MINDY2: variants seen among roughly 807,000 people sequenced by gnomAD.
MINDY2 encodes the protein MINDY lysine 48 deubiquitinase 2, also known as ubiquitin carboxyl-terminal hydrolase MINDY-2.
Under a neutral mutation model 68.2 loss-of-function variants are expected in MINDY2, and 52 were observed. That is an observed-to-expected ratio of 0.76 (90% confidence interval 0.61 to 0.96). The LOEUF is 0.96. Among genes scored for constraint, MINDY2 ranks in the 40% least tolerant of loss-of-function variants. The pLI is 0.00. For synonymous variants in MINDY2, 372 were observed against 303.0 expected, an observed-to-expected ratio of 1.23 and a Z score of -2.36; for missense variants, 881 against 773.4, an observed-to-expected ratio of 1.14 and a Z score of -1.65.
chr15:58,850,893 T>A (rs573852301), intron 7 of MINDY2, among the ~76,000 whole-genome samples: 8 of 152,052 alleles, frequency 5.3e-5, no homozygotes, highest in African/African-American at 1.9e-4. Context: ...GGCTCCCCGC[T>A]ACTTTTTGTT....
At chr15:58,774,802 C>A (rs140252358) in intron 1 of MINDY2, among the ~76,000 whole-genome samples, 1 of 152,290 alleles carries the variant, frequency 6.6e-6, no homozygotes, top group East Asian at 1.9e-4. Context: ...AACCTTCAAC[C>A]TTGGTTGAAG....
intron 1 of MINDY2, among the ~76,000 whole-genome samples, chr15:58,778,137 T>C (rs748723480): frequency 2.6e-5 from 4 of 152,252 alleles, no homozygotes; most frequent in Middle Eastern, 3.4e-3. Context: ...TTTTTTATTT[T>C]AGAAAGAATG....
At chr15:58,789,801 C>A (rs112824175) in intron 2 of MINDY2, among the ~76,000 whole-genome samples, 3,492 of 152,254 alleles carry the variant, frequency 0.023, 45 homozygotes, top group Middle Eastern at 0.044. Context: ...GCATGCACCA[C>A]CACACGTGGC....
intron 2 of MINDY2, among the ~76,000 whole-genome samples, chr15:58,792,965 G>T (rs1197738598): frequency 2.6e-5 from 4 of 152,064 alleles, no homozygotes; most frequent in African/African-American, 9.7e-5. Flanking sequence ...CCATACCACT[G>T]CATTCCAGCC....
In MINDY2 at chr15:58,772,073, C is replaced by G. The variant is rs199568863; in HGVS notation, c.678C>G (p.Thr226=). The G allele has an allele frequency of 1.4e-5, 22 of 1,612,228 alleles. No individual in the cohort carries two copies. In the Admixed American group the frequency reaches 2.7e-4, roughly 20 times the overall value. The part of the protein sequence containing the change: ...PLCKEEEGEE[T]AQVLAASKER... ...GCAAGGAGGAGGAGGGGGAGGAGAC[C>G]GCTCAGGTGCTGGCGGCCTCCAAGG... Residue 226 remains threonine (T), a synonymous_variant, in exon 1 of 9, where the codon ACC becomes ACG. Transcript: ENST00000559228.
At chr15:58,796,823 A>G (rs1057169319) in intron 2 of MINDY2, among the ~76,000 whole-genome samples, 20 of 152,328 alleles carry the variant, frequency 1.3e-4, no homozygotes, top group African/African-American at 4.3e-4. Flanking sequence ...GCACCTGGCC[A>G]TTTATATATA....
intron 2 of MINDY2, among the ~76,000 whole-genome samples, chr15:58,795,608 G>A (rs139829371): frequency 0.13 from 20,194 of 151,994 alleles, 1,624 homozygotes; most frequent in East Asian, 0.41. Flanking sequence ...GTTTCACCGT[G>A]TTAGCCAGGA....
intron 1 of MINDY2, among the ~76,000 whole-genome samples, chr15:58,776,351 CAG>C (rs1900771863): frequency 1.3e-5 from 2 of 151,802 alleles, no homozygotes; most frequent in African/African-American, 2.4e-5. Context: ...CTCCAGGAGA[CAG>C]AGAGAAAACA....
chr15:58,774,126 A>G (rs1900618712), intron 1 of MINDY2, among the ~76,000 whole-genome samples: 1 of 152,210 alleles, frequency 6.6e-6, no homozygotes, highest in Non-Finnish European at 1.5e-5. Context: ...GACTCATTCA[A>G]TTCAGACAGA....
Position 58,782,929 on chromosome 15 carries a change from T to G in MINDY2, c.841-4977T>G, listed in dbSNP as rs1393510747. On this transcript the variant is annotated intron_variant, in intron 1 of 8. Transcript: ENST00000559228. The stretch of plus-strand genomic sequence containing the variant: ...TCTCTCTGTTTTTTTTTTTTTTTTT[T>G]TTTTTTTTGAGACAGAGTCTTGCTC... Among the ~76,000 whole-genome samples the G allele has an allele frequency of 3.0e-3, 398 of 130,554 alleles. 7 individuals are homozygous for G. The highest frequency in any genetic ancestry group is 0.011 in the African/African-American group (379 of 35,970). The allele number at this position is 130,554 out of a possible 152,430, so 85.6% of individuals were successfully genotyped here.
intron 2 of MINDY2, among the ~76,000 whole-genome samples, chr15:58,801,276 G>C (rs1301047547): frequency 6.8e-6 from 1 of 146,666 alleles, no homozygotes; most frequent in Admixed American, 7.0e-5. Context: ...GCCCAGCCCA[G>C]TTTAGCTTTT....
intron 6 of MINDY2, among the ~76,000 whole-genome samples, chr15:58,833,940 A>G (rs1408359282): frequency 2.0e-5 from 3 of 152,152 alleles, no homozygotes; most frequent in Non-Finnish European, 4.4e-5. Flanking sequence ...ATTTCAGACT[A>G]TCACATGGGG....
chr15:58,772,461 A>G (rs1900497434), intron 1 of MINDY2, among the ~76,000 whole-genome samples: 1 of 152,222 alleles, frequency 6.6e-6, no homozygotes, highest in Non-Finnish European at 1.5e-5. Context: ...TTAAGAGTTC[A>G]ACATTCAATT....
Position 58,855,939 on chromosome 15 carries a change from A to C in MINDY2, c.*1329A>C, listed in dbSNP as rs2033046959. On this transcript the variant is annotated 3_prime_UTR_variant, in exon 9 of 9. Transcript: ENST00000559228. ...CGTCTCAAAAAAAAAAAAGTCTGAG[A>C]GTAGCTAAGAATTTATGTAAAAGCA... is the stretch of plus-strand genomic sequence containing the variant. 1 of 152,654 alleles carries C rather than the reference A, an allele frequency of 6.6e-6. No individual in the cohort carries two copies. Among genetic ancestry groups the C allele is most frequent in the African/African-American group, 2.4e-5 (1 of 41,554 alleles). 9.5% of individuals were successfully genotyped at this position (152,654 alleles called of 1,614,324 possible). A position where few individuals can be genotyped will look rare whatever the true frequency, so the allele number is the denominator to read the frequency against.
At chr15:58,851,749 T>C (rs775837482) in intron 7 of MINDY2, 22 bp from the exon 8 acceptor site, 33 of 1,514,740 alleles carry the variant, frequency 2.2e-5, no homozygotes, top group African/African-American at 2.8e-5. Context: ...TAGCTAATGA[T>C]GGTTATAATT....
intron 1 of MINDY2, among the ~76,000 whole-genome samples, chr15:58,776,666 C>T (rs535134718): frequency 1.3e-5 from 2 of 152,130 alleles, no homozygotes; most frequent in South Asian, 2.1e-4. Flanking sequence ...GAACAACAAC[C>T]GTATTTTCTG....
At position 58,771,919 on chromosome 15, in the gene MINDY2, C is replaced by G; in HGVS notation, c.524C>G (p.Ser175Cys). The change falls in exon 1 of 9, where the codon TCT becomes TGT. Residue 175 changes from serine to cysteine, a missense_variant. Coordinates refer to ENST00000559228, the MANE Select transcript of MINDY2 (RefSeq NM_001040450.3). ...CCTGGGGAATCTCCGAGCCTGGACT[C>G]TCTGGAGTCGTTCTCTAACCTGCAT... ...SPPGESPSLDSLESFSNLHSF... is the reference protein window; with the variant it reads ...SPPGESPSLDCLESFSNLHSF... 1.3e-6 allele frequency: 2 copies of G among 1,556,118 alleles called. No homozygotes were observed. The highest frequency in any genetic ancestry group is 1.7e-6 in the Non-Finnish European group (2 of 1,152,998).
At chr15:58,843,715 T>C (rs2032388408) in intron 6 of MINDY2, among the ~76,000 whole-genome samples, 1 of 150,518 alleles carries the variant, frequency 6.6e-6, no homozygotes, top group Non-Finnish European at 1.5e-5. Flanking sequence ...GCACCTGTAG[T>C]CCCAGCTACT....
chr15:58,772,645 T>G (rs541123606), intron 1 of MINDY2, among the ~76,000 whole-genome samples: 149 of 152,266 alleles, frequency 9.8e-4, no homozygotes, highest in Non-Finnish European at 1.7e-3. Flanking sequence ...ATGGACTAAG[T>G]TTTCATGGTT....
Sources: gnomAD v4.1 joint callset for allele counts (sites outside exome capture counted in the v4.1 genomes callset) on GRCh38, gnomAD v4.1.1 for gene constraint, MANE v1.5 for transcripts, NCBI Gene and HGNC (gene_info 2026-07-23, HGNC 2026-07-21) for gene names.